RABGAP1L: variants seen among roughly 807,000 people sequenced by gnomAD.
RABGAP1L encodes rab GTPase-activating protein 1-like.
In RABGAP1L, 63 loss-of-function variants were observed where a neutral mutation model predicts 137.7. The observed-to-expected ratio is 0.46, with a 90% CI of 0.37 to 0.56. The LOEUF is 0.56. Among genes scored for constraint, RABGAP1L ranks in the 20% least tolerant of loss-of-function variants. RABGAP1L has a pLI of 0.00. For synonymous variants in RABGAP1L, 431 were observed against 433.7 expected (o/e 0.99, Z 0.08); for missense variants, 1,095 against 1,244.0 (o/e 0.88, Z 1.80).
At chr1:174,780,433 T>C (rs1291967411) in intron 18 of RABGAP1L, among the ~76,000 whole-genome samples, 2 of 152,122 alleles carry the variant, frequency 1.3e-5, no homozygotes. Flanking sequence ...CTCATGTTTT[T>C]CAAGTCTAGC....
intron 13 of RABGAP1L, among the ~76,000 whole-genome samples, chr1:174,581,063 C>T (rs934842087): frequency 6.6e-5 from 10 of 152,198 alleles, no homozygotes; most frequent in Admixed American, 6.5e-4. Flanking sequence ...CCCTTATACA[C>T]TGCTGGTTGG....
rs910897089 is a variant in RABGAP1L at position 174,988,732 on chromosome 1, T to C, written c.2897T>C (p.Ile966Thr). ...LAATGREDQG[I>T]ETDDEKDSLK... ...GCCACAGGCAGAGAGGACCAGGGAA[T>C]TGAAACAGATGATGAGAAGGACTCA... is the stretch of plus-strand genomic sequence containing the variant. Residue 966 changes from isoleucine (I) to threonine (T), a missense_variant, in exon 25 of 26, where the codon ATT (isoleucine) becomes ACT (threonine). Around this residue, in one of 4 missense-constraint regions of RABGAP1L, gnomAD observed 312 missense variants for 435.6 expected, o/e 0.72. Transcript: ENST00000681986. 1.3e-6 allele frequency: 2 copies of C among 1,549,406 alleles called. No homozygotes were observed.
At chr1:174,531,035 TG>T (rs1664358949) in intron 13 of RABGAP1L, among the ~76,000 whole-genome samples, 1 of 152,118 alleles carries the variant, frequency 6.6e-6, no homozygotes, top group Non-Finnish European at 1.5e-5. Context: ...AGAACAGACT[TG>T]CTACACATAA....
At chr1:174,514,433 G>C (rs1283829576) in intron 13 of RABGAP1L, among the ~76,000 whole-genome samples, 2 of 152,098 alleles carry the variant, frequency 1.3e-5, no homozygotes, top group Non-Finnish European at 2.9e-5. Context: ...AAAGAGTTAT[G>C]TATCAGTTAA....
intron 6 of RABGAP1L, 161 bp from the exon 7 acceptor site, chr1:174,252,319 A>T: frequency 1.3e-6 from 1 of 746,856 alleles, no homozygotes; most frequent in East Asian, 3.3e-5. Context: ...AGTCAAATAA[A>T]ATTAATAGTT....
chr1:174,550,991 T>TATACATATATATATAG (rs1211691472), intron 13 of RABGAP1L, among the ~76,000 whole-genome samples: 1 of 93,880 alleles, frequency 1.1e-5, no homozygotes. Context: ...TACATATATA[T>TATACATATATATATAG]ATATACACAT....
At chr1:174,864,612 A>C (rs536216636) in intron 19 of RABGAP1L, among the ~76,000 whole-genome samples, 1 of 152,242 alleles carries the variant, frequency 6.6e-6, no homozygotes, top group South Asian at 2.1e-4. Flanking sequence ...GCATGGGGGA[A>C]CCACCCCCAT....
chr1:174,612,411 T>C (rs1402822118), intron 13 of RABGAP1L, among the ~76,000 whole-genome samples: 2 of 152,226 alleles, frequency 1.3e-5, no homozygotes, highest in African/African-American at 4.8e-5. Flanking sequence ...GAAGCCCACT[T>C]GATCATGGTG....
intron 24 of RABGAP1L, among the ~76,000 whole-genome samples, chr1:174,985,210 T>A (rs1264274388): frequency 6.6e-6 from 1 of 152,100 alleles, no homozygotes; most frequent in African/African-American, 2.4e-5. Context: ...CTGGGAAACT[T>A]GGTGAAACCC....
intron 13 of RABGAP1L, among the ~76,000 whole-genome samples, chr1:174,531,320 A>G (rs1459265465): frequency 2.6e-5 from 4 of 152,202 alleles, no homozygotes; most frequent in African/African-American, 7.2e-5. Context: ...TTTGTGCTAT[A>G]TACTTAAGTT....
intron 13 of RABGAP1L, among the ~76,000 whole-genome samples, chr1:174,434,971 G>C (rs1431515548): frequency 6.6e-6 from 1 of 152,094 alleles, no homozygotes; most frequent in Non-Finnish European, 1.5e-5. Flanking sequence ...TTTATTTTAA[G>C]TATATTTTAT....
intron 1 of RABGAP1L, among the ~76,000 whole-genome samples, chr1:174,176,713 GAAAAAAAA>G (rs71563251): frequency 9.3e-4 from 20 of 21,550 alleles, no homozygotes; most frequent in African/African-American, 2.5e-3. Context: ...CCCTTTTTCA[GAAAAAAAA>G]AAAAAAAAAA....
rs35930436 is a variant in RABGAP1L, at chr1:174,787,402, CAAA to C, written c.2212-24413_2212-24411del. On this transcript the variant is annotated intron_variant, in intron 18 of 25. Transcript: ENST00000681986. ...TGGGTGACAGAGCAAGACTCTGTGT[CAAA>C]AAAAAAAAAAAAAAAATAAGAGAAA... Among the ~76,000 whole-genome samples the C allele has an allele frequency of 1.9e-3, 229 of 119,866 alleles. 1 individual carries two copies. Among genetic ancestry groups the C allele is most frequent in the South Asian group, 4.8e-3 (18 of 3,724 alleles). 78.6% of individuals were successfully genotyped at this position (119,866 alleles called of 152,430 possible).
chr1:174,339,827 G>C (rs1341482700), intron 11 of RABGAP1L, among the ~76,000 whole-genome samples: 1 of 151,874 alleles, frequency 6.6e-6, no homozygotes, highest in Non-Finnish European at 1.5e-5. Context: ...TGCTGATCTC[G>C]TACTCCTGAC....
At chr1:174,624,926 A>G (rs760850713) in intron 13 of RABGAP1L, among the ~76,000 whole-genome samples, 7 of 146,528 alleles carry the variant, frequency 4.8e-5, no homozygotes, top group Non-Finnish European at 1.0e-4. Context: ...GCTGGAGTGC[A>G]GTGGCGCAGT....
At chr1:174,475,459 G>A (rs1014990826) in intron 13 of RABGAP1L, among the ~76,000 whole-genome samples, 6 of 152,016 alleles carry the variant, frequency 3.9e-5, no homozygotes, top group Non-Finnish European at 8.8e-5. Context: ...TTGTTACAAT[G>A]CCAGGGACAC....
chr1:174,371,045 A>G lies in RABGAP1L; in HGVS notation c.1532A>G (p.Tyr511Cys), dbSNP rs370164900. The G allele has an allele frequency of 6.0e-6, 9 of 1,501,734 alleles. No individual in the cohort carries two copies. In the East Asian group the frequency reaches 1.6e-4, roughly 27 times the overall value. The allele number at this position is 1,501,734 out of a possible 1,614,324, so 93.0% of individuals were successfully genotyped here. A position where few individuals can be genotyped will look rare whatever the true frequency, so the allele number is the denominator to read the frequency against. ...VSKDCPEKIL[Y>C]SWGELLGKWH... The stretch of plus-strand genomic sequence containing the variant: ...AAGGATTGTCCTGAGAAGATCCTGT[A>G]TTCTTGGGGAGAGTTGCTAGGAAAA... The change falls in exon 12 of 26, where the codon TAT becomes TGT. Residue 511 changes from tyrosine (Y) to cysteine (C), a missense_variant. Transcript: ENST00000681986.
At chr1:174,692,564 C>T (rs962702398) in intron 15 of RABGAP1L, among the ~76,000 whole-genome samples, 3 of 152,142 alleles carry the variant, frequency 2.0e-5, no homozygotes, top group South Asian at 2.1e-4. Flanking sequence ...TAGTGATACA[C>T]AAGAAATGCT....
intron 19 of RABGAP1L, among the ~76,000 whole-genome samples, chr1:174,862,357 T>C (rs1481702657): frequency 6.6e-6 from 1 of 152,062 alleles, no homozygotes; most frequent in African/African-American, 2.4e-5. Flanking sequence ...AACTGGTGAT[T>C]TGAAAAACAG....
Sources: allele counts gnomAD v4.1 joint callset (sites outside exome capture counted in the v4.1 genomes callset), GRCh38; gene constraint gnomAD v4.1.1; regional missense constraint gnomAD v4.1.1; transcripts MANE v1.5; gene names NCBI Gene and HGNC (gene_info 2026-07-23, HGNC 2026-07-21).